The following MED13L variants were observed in gnomAD, a reference collection of about 807,000 sequenced individuals.
The protein encoded by MED13L is mediator complex subunit 13L, also known as mediator of RNA polymerase II transcription subunit 13-like.
In MED13L, 7 loss-of-function variants were observed where a neutral mutation model predicts 220.9. The ratio of observed to expected loss-of-function variants is 0.03; its 90% CI spans 0.02 to 0.06. The LOEUF is 0.06. Ranked by LOEUF, MED13L falls within the 10% of genes least tolerant of loss-of-function variation. The pLI is 1.00. For missense variants in MED13L, 1,965 were observed against 2,760.5 expected (o/e 0.71, Z 6.46); for synonymous variants, 1,011 against 1,015.2 (o/e 1.00, Z 0.08).
chr12:116,269,521 A>G (rs1873102703), intron 1 of MED13L, among the ~76,000 whole-genome samples: 3 of 151,386 alleles, frequency 2.0e-5, no homozygotes. Context: ...ACTCAACTCA[A>G]GAGGATCCTT....
chr12:116,064,503 T>C (rs1454469025), intron 4 of MED13L, among the ~76,000 whole-genome samples: 1 of 152,178 alleles, frequency 6.6e-6, no homozygotes, highest in East Asian at 1.9e-4. Flanking sequence ...TCTCTGTTCC[T>C]AAAAAATTTG....
chr12:116,041,623 T>C (rs1881535149), intron 4 of MED13L, among the ~76,000 whole-genome samples: 1 of 152,064 alleles, frequency 6.6e-6, no homozygotes, highest in African/African-American at 2.4e-5. Flanking sequence ...GGCGGGTGGA[T>C]CATAAGGTCA....
chr12:116,078,754 T>C (rs1321352324), intron 4 of MED13L, among the ~76,000 whole-genome samples: 6 of 152,184 alleles, frequency 3.9e-5, no homozygotes, highest in Admixed American at 2.6e-4. Flanking sequence ...CAATAAAAGT[T>C]CACCTGCCCC....
intron 2 of MED13L, among the ~76,000 whole-genome samples, chr12:116,230,123 G>C (rs1245405203): frequency 6.6e-6 from 1 of 152,136 alleles, no homozygotes; most frequent in Non-Finnish European, 1.5e-5. Flanking sequence ...AGGTAAAGTA[G>C]CTGGGCGTGG....
intron 28 of MED13L, 128 bp from the exon 29 acceptor site, chr12:115,966,371 C>T: frequency 2.8e-6 from 3 of 1,075,824 alleles, no homozygotes; most frequent in Non-Finnish European, 2.8e-6. Context: ...CAGAAAACAA[C>T]AGGTGACTGA....
At chr12:116,124,152 CAGAGACAGAGAGAGACAGAG>C (rs1317898289) in intron 2 of MED13L, among the ~76,000 whole-genome samples, 4 of 108,692 alleles carry the variant, frequency 3.7e-5, no homozygotes, top group Admixed American at 9.7e-5. Context: ...GAGAGAGAGA[CAGAGACAGAGAGAGACAGAG>C]AGAGACAGAG....
At chr12:115,998,183 C>T (rs1878523351) in intron 14 of MED13L, among the ~76,000 whole-genome samples, 1 of 152,186 alleles carries the variant, frequency 6.6e-6, no homozygotes, top group East Asian at 1.9e-4. Context: ...TACAGTAGTT[C>T]ATTAAGGCAC....
rs11274833 is a variant in MED13L, at chr12:116,185,652, G to GCTTTTCTTTTCTTTT, written c.310+51801_310+51815dup. ...AAAATATCAATTTTTTTCATCACAT[G>GCTTTTCTTTTCTTTT]CTTTTCTTTTCTTTTCTTTTCTTTT... On this transcript the variant is annotated intron_variant, in intron 2 of 30. Transcript: ENST00000281928. Among the ~76,000 whole-genome samples, 250 of 140,026 alleles carry GCTTTTCTTTTCTTTT rather than the reference G, an allele frequency of 1.8e-3. 5 individuals carry two copies. Among genetic ancestry groups the GCTTTTCTTTTCTTTT allele is most frequent in the African/African-American group, 6.3e-3 (235 of 37,466 alleles). The allele number at this position is 140,026 out of a possible 152,430, so 91.9% of individuals were successfully genotyped here. A position where few individuals can be genotyped will look rare whatever the true frequency, so the allele number is the denominator to read the frequency against.
chr12:116,154,438 T>C (rs1878278002), intron 2 of MED13L, among the ~76,000 whole-genome samples: 1 of 152,230 alleles, frequency 6.6e-6, no homozygotes, highest in Non-Finnish European at 1.5e-5. Context: ...AATTAGGTTA[T>C]TTCTAGTAAG....
At chr12:116,106,302 T>C (rs1027800645) in intron 3 of MED13L, among the ~76,000 whole-genome samples, 24 of 152,074 alleles carry the variant, frequency 1.6e-4, no homozygotes, top group African/African-American at 1.4e-4. Flanking sequence ...TTCAATATTA[T>C]ATATTAAGAA....
chr12:116,006,040 C>T (rs919467816), intron 12 of MED13L, 47 bp from the exon 13 acceptor site: 7 of 1,611,066 alleles, frequency 4.3e-6, no homozygotes, highest in Admixed American at 3.3e-5. Context: ...CTCCACCAAG[C>T]GCAAAGGAGT....
chr12:116,040,916 C>T (rs1435266286), intron 4 of MED13L, among the ~76,000 whole-genome samples: 2 of 152,040 alleles, frequency 1.3e-5, no homozygotes, highest in East Asian at 3.9e-4. Context: ...AGACAATCTA[C>T]AGAATTAGTA....
At position 116,253,509 on chromosome 12, in the gene MED13L, C is replaced by T. The variant is rs1445996548; in HGVS notation, c.73-15804G>A. Among the ~76,000 whole-genome samples, 2 of 151,934 alleles carry T rather than the reference C, an allele frequency of 1.3e-5. 1 individual carries two copies. The highest frequency in any genetic ancestry group is 1.3e-4 in the Admixed American group (2 of 15,250). ...ACAGAGATGATAAGAAATGTACACG[C>T]CAATATCCTTCATAAACACAGATGA... On this transcript the variant is annotated intron_variant, in intron 1 of 30. Transcript: ENST00000281928.
At chr12:116,072,875 T>C (rs941268992) in intron 4 of MED13L, among the ~76,000 whole-genome samples, 1 of 152,186 alleles carries the variant, frequency 6.6e-6, no homozygotes, top group Non-Finnish European at 1.5e-5. Context: ...TCACAAGTCC[T>C]TCTAACTCCA....
At chr12:116,190,303 C>G (rs1881187802) in intron 2 of MED13L, among the ~76,000 whole-genome samples, 1 of 152,110 alleles carries the variant, frequency 6.6e-6, no homozygotes, top group Non-Finnish European at 1.5e-5. Flanking sequence ...TGATAATCAT[C>G]AATGGATTAT....
chr12:116,214,307 A>G (rs1593172778), intron 2 of MED13L, among the ~76,000 whole-genome samples: 1 of 152,198 alleles, frequency 6.6e-6, no homozygotes, highest in Admixed American at 6.5e-5. Context: ...CAAAAACTGT[A>G]AACTGCTTCT....
At chr12:116,133,236 T>C (rs1369881246) in intron 2 of MED13L, among the ~76,000 whole-genome samples, 2 of 152,240 alleles carry the variant, frequency 1.3e-5, no homozygotes, top group Non-Finnish European at 2.9e-5. Flanking sequence ...GTGAGCAGAC[T>C]TGAGTTTAAA....
chr12:115,970,775 A>C lies in MED13L; in HGVS notation c.5891-5T>G. 6.2e-7 allele frequency: 1 copy of C among 1,613,356 alleles called. No homozygotes were observed. The highest frequency in any genetic ancestry group is 8.5e-7 in the Non-Finnish European group (1 of 1,179,630). ...CAGAGCCCATTGTGACAGCATCTTT[A>C]AAGAAAAAAATAGAATTATATCAAT... On this transcript the variant is annotated splice_region_variant and splice_polypyrimidine_tract_variant and intron_variant, in intron 26 of 30. Coordinates refer to ENST00000281928, the MANE Select transcript of MED13L (RefSeq NM_015335.5).
intron 1 of MED13L, among the ~76,000 whole-genome samples, chr12:116,242,288 G>A (rs1483139923): frequency 6.6e-6 from 1 of 152,004 alleles, no homozygotes; most frequent in Non-Finnish European, 1.5e-5. Flanking sequence ...CAGGTGATAC[G>A]CTTGCCTTGG....
Sources: gnomAD v4.1 joint callset for allele counts (sites outside exome capture counted in the v4.1 genomes callset) on GRCh38, gnomAD v4.1.1 for gene constraint, MANE v1.5 for transcripts, NCBI Gene and HGNC (gene_info 2026-07-23, HGNC 2026-07-21) for gene names.